The following CNTNAP2 variants were observed in gnomAD, a reference collection of about 807,000 sequenced individuals.
CNTNAP2 encodes the protein contactin associated protein 2, also known as contactin-associated protein-like 2.
Under a neutral mutation model 155.2 loss-of-function variants are expected in CNTNAP2, and 98 were observed. The observed-to-expected ratio is 0.63, with a 90% CI of 0.54 to 0.75. The LOEUF (loss-of-function observed/expected upper bound fraction) is 0.75, where lower values mean the gene tolerates loss of function less well. Ranked by LOEUF, CNTNAP2 falls within the 30% of genes least tolerant of loss-of-function variation. The pLI is 0.00. For synonymous variants in CNTNAP2, 651 were observed against 631.2 expected (o/e 1.03, Z -0.47); for missense variants, 1,727 against 1,688.1 (o/e 1.02, Z -0.40).
At chr7:147,175,221 C>A (rs188714580) in intron 8 of CNTNAP2, among the ~76,000 whole-genome samples, 1 of 151,776 alleles carries the variant, frequency 6.6e-6, no homozygotes, top group Non-Finnish European at 1.5e-5. Context: ...AGGATTTCAT[C>A]TAATCAATTT....
At chr7:147,367,314 A>T (rs981571222) in intron 9 of CNTNAP2, among the ~76,000 whole-genome samples, 5 of 152,140 alleles carry the variant, frequency 3.3e-5, no homozygotes, top group Non-Finnish European at 5.9e-5. Context: ...AGAAATGACA[A>T]CCAGTTAATG....
In CNTNAP2 at chr7:146,151,646, ATATATATATATATAT is replaced by A. The variant is rs1798042153; in HGVS notation, c.97+34674_97+34688del. Among the ~76,000 whole-genome samples, 51 of 70,286 alleles carry A rather than the reference ATATATATATATATAT, an allele frequency of 7.3e-4. 3 individuals are homozygous for A. The highest frequency in any genetic ancestry group is 1.1e-3 in the African/African-American group (28 of 26,074). 46.1% of individuals were successfully genotyped at this position (70,286 alleles called of 152,430 possible). A position where few individuals can be genotyped will look rare whatever the true frequency, so the allele number is the denominator to read the frequency against. ...GACAAAGAAAACGTGATATATATATATATATATATATATATATATATATATATATATATATGTATA... is the reference window on the plus strand; with the variant it reads ...GACAAAGAAAACGTGATATATATATAATATATATATATATATATATGTATA... On this transcript the variant is annotated intron_variant, in intron 1 of 23. Transcript: ENST00000361727.
At chr7:148,295,526 C>G in intron 21 of CNTNAP2, among the ~76,000 whole-genome samples, 1 of 149,108 alleles carries the variant, frequency 6.7e-6, no homozygotes. Flanking sequence ...GAGTCTCGCT[C>G]TGTCGCCCAG....
chr7:147,928,241 T>G (rs1800434602), intron 14 of CNTNAP2, among the ~76,000 whole-genome samples: 1 of 152,158 alleles, frequency 6.6e-6, no homozygotes, highest in African/African-American at 2.4e-5. Flanking sequence ...CTCGGGTAAT[T>G]AGCAGCATGA....
intron 8 of CNTNAP2, among the ~76,000 whole-genome samples, chr7:147,174,570 ACT>A (rs1802297240): frequency 6.6e-6 from 1 of 152,070 alleles, no homozygotes; most frequent in Non-Finnish European, 1.5e-5. Context: ...TGACTTAGAA[ACT>A]CTATAAAATA....
intron 1 of CNTNAP2, among the ~76,000 whole-genome samples, chr7:146,684,048 G>A (rs776639003): frequency 2.0e-5 from 3 of 152,106 alleles, no homozygotes; most frequent in Admixed American, 6.5e-5. Context: ...CTTGGGTTAC[G>A]GCTCTCTCTC....
chr7:147,447,608 C>T (rs1423368546), intron 10 of CNTNAP2, among the ~76,000 whole-genome samples: 4 of 152,038 alleles, frequency 2.6e-5, no homozygotes, highest in African/African-American at 9.7e-5. Flanking sequence ...TTAGTAGAGA[C>T]GAGGTTTCAA....
intron 19 of CNTNAP2, among the ~76,000 whole-genome samples, chr7:148,218,076 T>A (rs2116758503): frequency 6.6e-6 from 1 of 152,366 alleles, no homozygotes; most frequent in East Asian, 1.9e-4. Flanking sequence ...TAGTGAGCCA[T>A]GATCGTGCCA....
At chr7:146,997,735 T>C (rs1563037614) in intron 3 of CNTNAP2, among the ~76,000 whole-genome samples, 1 of 152,108 alleles carries the variant, frequency 6.6e-6, no homozygotes. Flanking sequence ...TTATTCAATA[T>C]TGGTCTGTTC....
At chr7:147,009,929 C>T (rs1798592674) in intron 3 of CNTNAP2, among the ~76,000 whole-genome samples, 1 of 151,714 alleles carries the variant, frequency 6.6e-6, no homozygotes. Context: ...TAGCTCTGCC[C>T]AGTGGAAGAG....
At chr7:146,915,150 G>T (rs1796368503) in intron 3 of CNTNAP2, among the ~76,000 whole-genome samples, 1 of 151,760 alleles carries the variant, frequency 6.6e-6, no homozygotes, top group South Asian at 2.1e-4. Context: ...CTATTTATGG[G>T]TTCTCTATTC....
chr7:146,985,714 T>C (rs1305801775), intron 3 of CNTNAP2, among the ~76,000 whole-genome samples: 1 of 152,284 alleles, frequency 6.6e-6, no homozygotes, highest in East Asian at 1.9e-4. Flanking sequence ...GATAAGTTTT[T>C]CACAAATATT....
chr7:147,333,457 G>T (rs953308605), intron 9 of CNTNAP2, among the ~76,000 whole-genome samples: 1 of 152,146 alleles, frequency 6.6e-6, no homozygotes, highest in African/African-American at 2.4e-5. Context: ...AACAGCTACA[G>T]AATCTGAATT....
intron 1 of CNTNAP2, among the ~76,000 whole-genome samples, chr7:146,752,910 A>T (rs1801930561): frequency 6.6e-6 from 1 of 152,178 alleles, no homozygotes; most frequent in Admixed American, 6.5e-5. Context: ...AATCTCAAGT[A>T]AATCTGGATG....
At chr7:147,092,587 T>A (rs574070935) in intron 4 of CNTNAP2, among the ~76,000 whole-genome samples, 1 of 152,158 alleles carries the variant, frequency 6.6e-6, no homozygotes, top group Admixed American at 6.5e-5. Context: ...CAATAAAATA[T>A]TTGTTTTTAT....
chr7:148,111,690 A>C (rs1804356792), intron 15 of CNTNAP2, among the ~76,000 whole-genome samples: 1 of 152,230 alleles, frequency 6.6e-6, no homozygotes, highest in Non-Finnish European at 1.5e-5. Context: ...AGTTTCCAGA[A>C]AGGAAAAAAA....
chr7:146,981,619 AT>A (rs1264316366), intron 3 of CNTNAP2, among the ~76,000 whole-genome samples: 1 of 152,122 alleles, frequency 6.6e-6, no homozygotes, highest in East Asian at 1.9e-4. Context: ...TTTCAGTTTT[AT>A]TATTGGGTAA....
rs74343393 is a variant in CNTNAP2 at position 146,833,253 on chromosome 7, C to G, written c.209-6458C>G. Among the ~76,000 whole-genome samples the G allele has an allele frequency of 2.0e-3, 308 of 152,236 alleles. 1 individual carries two copies. Among genetic ancestry groups the G allele is most frequent in the African/African-American group, 7.1e-3 (293 of 41,548 alleles). On this transcript the variant is annotated intron_variant, in intron 2 of 23. Coordinates refer to ENST00000361727, the MANE Select transcript of CNTNAP2 (RefSeq NM_014141.6). Reference sequence around the variant, plus strand: ...CCCTCAATTGCTATTACTTATGGAACTAATTGGTGTTGAACTTTTGACTTT... The same window carrying G: ...CCCTCAATTGCTATTACTTATGGAAGTAATTGGTGTTGAACTTTTGACTTT...
chr7:147,739,724 G>A (rs545904219), intron 13 of CNTNAP2, among the ~76,000 whole-genome samples: 96 of 151,948 alleles, frequency 6.3e-4, no homozygotes, highest in African/African-American at 2.1e-3. Flanking sequence ...TCATCATACA[G>A]TAAAAGTCTA....
Sources: allele counts gnomAD v4.1 joint callset (sites outside exome capture counted in the v4.1 genomes callset), GRCh38; gene constraint gnomAD v4.1.1; transcripts MANE v1.5; gene names NCBI Gene and HGNC (gene_info 2026-07-23, HGNC 2026-07-21).